Variants in SLC38A9 observed in about 807,000 individuals in gnomAD.
SLC38A9 encodes the protein solute carrier family 38 member 9.
Under a neutral mutation model 62.3 loss-of-function variants are expected in SLC38A9, and 48 were observed. The observed-to-expected ratio is 0.77, with a 90% CI of 0.61 to 0.98. The LOEUF is 0.98. Ranked by LOEUF, SLC38A9 falls within the 50% of genes least tolerant of loss-of-function variation. The pLI is 0.00. For missense variants in SLC38A9, 541 were observed against 679.8 expected, an observed-to-expected ratio of 0.80 and a Z score of 2.27; for synonymous variants, 204 against 227.7, an observed-to-expected ratio of 0.90 and a Z score of 0.94.
chr5:55,672,185 A>T (rs1751436366), intron 4 of SLC38A9, among the ~76,000 whole-genome samples: 1 of 152,186 alleles, frequency 6.6e-6, no homozygotes, highest in Non-Finnish European at 1.5e-5. Context: ...TTCTAAAAAA[A>T]TATTTCCCTT....
intron 10 of SLC38A9, among the ~76,000 whole-genome samples, chr5:55,649,572 A>T (rs1040014953): frequency 4.6e-5 from 7 of 152,216 alleles, no homozygotes; most frequent in Non-Finnish European, 8.8e-5. Flanking sequence ...CTGTAATCCC[A>T]GCACTTTGGG....
At chr5:55,654,124 C>G (rs1436611089) in intron 9 of SLC38A9, among the ~76,000 whole-genome samples, 1 of 152,084 alleles carries the variant, frequency 6.6e-6, no homozygotes. Context: ...ATTAAGTAAC[C>G]CTTATGCTCA....
rs146053182 is a variant in SLC38A9, at chr5:55,700,502, T to C, written c.-34-2510A>G. Among the ~76,000 whole-genome samples, 188 of 152,058 alleles carry C rather than the reference T, an allele frequency of 1.2e-3. 2 individuals carry two copies. The East Asian group carries it at 0.035, about 28-fold the overall frequency. ...GTTGTTATTTTAAGGTAACTATTAATAGAAAGCAGTGTATAACCTTAAATT... is the reference window on the plus strand; with the variant it reads ...GTTGTTATTTTAAGGTAACTATTAACAGAAAGCAGTGTATAACCTTAAATT... On this transcript the variant is annotated intron_variant, in intron 2 of 15. Transcript: ENST00000396865.
intron 3 of SLC38A9, among the ~76,000 whole-genome samples, chr5:55,676,719 C>T (rs529147043): frequency 6.6e-6 from 1 of 152,212 alleles, no homozygotes; most frequent in African/African-American, 2.4e-5. Flanking sequence ...TACGACGACA[C>T]ATAGGTGTCA....
chr5:55,692,993 G>C (rs536605352), intron 3 of SLC38A9: 1 of 984,142 alleles, frequency 1.0e-6, no homozygotes, highest in Admixed American at 6.1e-5. Flanking sequence ...AAAAACTTAA[G>C]TATGTGCGAA....
chr5:55,659,386 TTTTATTTTA>T lies in SLC38A9; in HGVS notation c.698-2621_698-2613del, dbSNP rs1380705854. 1.3e-3 allele frequency among the ~76,000 whole-genome samples: 185 copies of T among 146,318 alleles called. 5 individuals are homozygous for T. Among genetic ancestry groups the T allele is most frequent in the African/African-American group, 4.4e-3 (178 of 40,000 alleles). ...TTAAAAAAACTGGAAAGGTTTTTTT[TTTTATTTTA>T]TTTTGATTTGAGATGGAGTCTCACT... On this transcript the variant is annotated intron_variant, in intron 8 of 15. Coordinates refer to ENST00000396865, the MANE Select transcript of SLC38A9 (RefSeq NM_173514.4).
Position 55,673,549 on chromosome 5 carries a change from T to C in SLC38A9, c.114-854A>G, listed in dbSNP as rs552028572. The C allele has an allele frequency of 4.6e-5, 7 of 152,204 alleles. No homozygotes were observed. The South Asian group carries it at 1.5e-3, about 32-fold the overall frequency. 9.4% of individuals were successfully genotyped at this position (152,204 alleles called of 1,614,324 possible). On this transcript the variant is annotated intron_variant, in intron 3 of 15. Coordinates refer to ENST00000396865, the MANE Select transcript of SLC38A9 (RefSeq NM_173514.4). ...ATCATAAGTGACACTGTGCCCCAAA[T>C]TGCACATAATTTGCCATTTCAGGCA...
rs1231677849 is a variant in SLC38A9 at position 55,669,252 on chromosome 5, C to T, written c.502G>A (p.Val168Ile). The change falls in exon 7 of 16, where the codon GTA becomes ATA. Residue 168 changes from valine to isoleucine, a missense_variant. By Grantham distance (29) the Val-to-Ile change is conservative (BLOSUM62 3). Transcript: ENST00000396865. ...GLLTLYCCYR[V>I]VKSRTMMFSL... Reference sequence around the variant, plus strand: ...CACATCATAGTCCGTGATTTCACTACTCTGTAGCAGCAATAAAGTGTTAAA... The same window carrying T: ...CACATCATAGTCCGTGATTTCACTATTCTGTAGCAGCAATAAAGTGTTAAA... 1.1e-5 allele frequency: 18 copies of T among 1,612,890 alleles called. No homozygotes were observed. Among genetic ancestry groups the T allele is most frequent in the Non-Finnish European group, 1.5e-5 (18 of 1,179,548 alleles).
intron 9 of SLC38A9, among the ~76,000 whole-genome samples, chr5:55,655,893 G>A (rs981454048): frequency 1.3e-5 from 2 of 151,826 alleles, no homozygotes; most frequent in Non-Finnish European, 2.9e-5. Flanking sequence ...TCCCTGTAAC[G>A]GCCATACTGG....
chr5:55,668,172 A>G (rs1260192625), intron 7 of SLC38A9, among the ~76,000 whole-genome samples: 1 of 108,192 alleles, frequency 9.2e-6, no homozygotes, highest in East Asian at 2.3e-4. Flanking sequence ...CCTGTCTCCA[A>G]AAAAAAGGAA....
intron 2 of SLC38A9, among the ~76,000 whole-genome samples, chr5:55,708,469 G>A (rs1161650852): frequency 1.3e-5 from 2 of 152,190 alleles, no homozygotes; most frequent in African/African-American, 4.8e-5. Context: ...AAGAATATCA[G>A]CCCTTTCCAT....
chr5:55,669,485 CCT>C (rs1348426378), intron 6 of SLC38A9, 70 bp downstream of exon 6: 2 of 1,413,166 alleles, frequency 1.4e-6, no homozygotes, highest in Non-Finnish European at 1.9e-6. Context: ...TTTATTAAAA[CCT>C]CTGTTATAAA....
Position 55,698,005 on chromosome 5 carries a change from G to T in SLC38A9, c.-34-13C>A. 1.2e-6 allele frequency: 1 copy of T among 861,700 alleles called. No individual in the cohort carries two copies. Among genetic ancestry groups the T allele is most frequent in the Non-Finnish European group, 1.8e-6 (1 of 542,478 alleles). 53.4% of individuals were successfully genotyped at this position (861,700 alleles called of 1,614,324 possible). On this transcript the variant is annotated splice_polypyrimidine_tract_variant and intron_variant, in intron 2 of 15. Transcript: ENST00000396865. ...GAAGAAGTTAGTCCTACACAAAGAA[G>T]ATAAATAATTTAGTTTAATTTTAAA...
chr5:55,690,391 G>A (rs1304673497), intron 3 of SLC38A9, among the ~76,000 whole-genome samples: 1 of 152,142 alleles, frequency 6.6e-6, no homozygotes, highest in Non-Finnish European at 1.5e-5. Context: ...AAAAGTAACA[G>A]TGGAAAGTTG....
At chr5:55,647,489 A>T (rs1260564459) in intron 11 of SLC38A9, among the ~76,000 whole-genome samples, 1 of 132,406 alleles carries the variant, frequency 7.6e-6, no homozygotes. Context: ...AGAAAACAAG[A>T]ATCAAGCACT....
intron 3 of SLC38A9, among the ~76,000 whole-genome samples, chr5:55,678,576 G>A (rs2150407667): frequency 6.7e-6 from 1 of 149,866 alleles, no homozygotes; most frequent in East Asian, 2.0e-4. Flanking sequence ...TATTATGGAG[G>A]ATGAAAATTC....
intron 14 of SLC38A9, among the ~76,000 whole-genome samples, chr5:55,631,790 T>G (rs546282170): frequency 3.9e-5 from 6 of 152,266 alleles, no homozygotes; most frequent in African/African-American, 1.4e-4. Flanking sequence ...CAAATTTTAT[T>G]TAAGTTATCT....
chr5:55,637,809 T>G (rs1306064295), intron 12 of SLC38A9, among the ~76,000 whole-genome samples: 1 of 151,416 alleles, frequency 6.6e-6, no homozygotes, highest in Non-Finnish European at 1.5e-5. Context: ...TTTACAGATG[T>G]AAACTAAGTG....
chr5:55,697,710 C>A, intron 3 of SLC38A9, 136 bp downstream of exon 3: 1 of 400,806 alleles, frequency 2.5e-6, no homozygotes, highest in Non-Finnish European at 4.3e-6. Flanking sequence ...ATTTACTTCT[C>A]TCCACATGTA....
Sources: gnomAD v4.1 joint callset for allele counts (sites outside exome capture counted in the v4.1 genomes callset) on GRCh38, gnomAD v4.1.1 for gene constraint, MANE v1.5 for transcripts, NCBI Gene and HGNC (gene_info 2026-07-23, HGNC 2026-07-21) for gene names.